CSMD3: variants seen among roughly 807,000 people sequenced by gnomAD.
CSMD3 encodes the protein CUB and sushi domain-containing protein 3.
Under a neutral mutation model 435.2 loss-of-function variants are expected in CSMD3, and 177 were observed. That is an observed-to-expected ratio of 0.41 (90% CI 0.36 to 0.46). The LOEUF is 0.46. CSMD3 is among the 20% of genes least tolerant of loss of function. CSMD3 has a pLI of 0.34. For missense variants in CSMD3, 4,265 were observed against 4,504.6 expected (o/e 0.95, Z 1.52); for synonymous variants, 1,656 against 1,520.5 (o/e 1.09, Z -2.07).
intron 1 of CSMD3, among the ~76,000 whole-genome samples, chr8:113,375,367 G>C (rs966246661): frequency 3.9e-5 from 6 of 152,120 alleles, no homozygotes; most frequent in Non-Finnish European, 8.8e-5. Flanking sequence ...TCTGCCAAGA[G>C]CATATGTCTA....
rs1819348787 is a variant in CSMD3 at position 112,287,707 on chromosome 8, AC to A, written c.9149-462del. ...TAAAGTAGAACTGTGGTGTGCTAGG[AC>A]ATGTAAATATTATAATACAGTTCTG... On this transcript the variant is annotated intron_variant, in intron 57 of 70. Transcript: ENST00000297405. Among the ~76,000 whole-genome samples, 7 of 152,264 alleles carry A rather than the reference AC, an allele frequency of 4.6e-5. No individual in the cohort carries two copies. The South Asian group carries it at 1.5e-3, about 32-fold the overall frequency.
At chr8:113,003,148 G>A (rs944395429) in intron 6 of CSMD3, among the ~76,000 whole-genome samples, 1 of 152,068 alleles carries the variant, frequency 6.6e-6, no homozygotes, top group Non-Finnish European at 1.5e-5. Context: ...GGGAGGCTGA[G>A]GCAGAAGAAT....
rs1002000202 is a variant in CSMD3, at chr8:112,408,247, A to C, written c.5605+71T>G. The C allele has an allele frequency of 1.0e-5, 10 of 991,898 alleles. No homozygotes were observed. The African/African-American group carries it at 2.1e-4, about 21-fold the overall frequency. 61.4% of individuals were successfully genotyped at this position (991,898 alleles called of 1,614,324 possible). A position where few individuals can be genotyped will look rare whatever the true frequency, so the allele number is the denominator to read the frequency against. On this transcript the variant is annotated intron_variant, in intron 34 of 70. Coordinates refer to ENST00000297405, the MANE Select transcript of CSMD3 (RefSeq NM_198123.2). ...TTTTATCTAGAGGATTTCATCATTC[A>C]AAAACTCTGAATACATCATGGGAAA...
intron 1 of CSMD3, among the ~76,000 whole-genome samples, chr8:113,370,702 T>A (rs1340203401): frequency 6.6e-6 from 1 of 152,034 alleles, no homozygotes; most frequent in Admixed American, 6.5e-5. Flanking sequence ...TTCTCAGTTA[T>A]TTTACTTCTC....
At chr8:113,329,566 A>C (rs907700660) in intron 1 of CSMD3, among the ~76,000 whole-genome samples, 1 of 152,194 alleles carries the variant, frequency 6.6e-6, no homozygotes, top group African/African-American at 2.4e-5. Flanking sequence ...AGAGGTGAGG[A>C]CAGCAAGGAT....
intron 35 of CSMD3, among the ~76,000 whole-genome samples, chr8:112,405,384 A>G (rs1423171190): frequency 6.7e-6 from 1 of 150,080 alleles, no homozygotes; most frequent in Non-Finnish European, 1.5e-5. Context: ...ATATTATGTA[A>G]TTTAAAAAAT....
intron 13 of CSMD3, among the ~76,000 whole-genome samples, chr8:112,701,434 A>C (rs573157465): frequency 1.3e-5 from 2 of 152,278 alleles, no homozygotes; most frequent in African/African-American, 4.8e-5. Context: ...ATGTAGAAAT[A>C]GCTCAACTGA....
At chr8:113,413,712 C>A (rs1039515482) in intron 1 of CSMD3, among the ~76,000 whole-genome samples, 2 of 152,170 alleles carry the variant, frequency 1.3e-5, no homozygotes, top group Non-Finnish European at 2.9e-5. Flanking sequence ...AGAAAACATA[C>A]TTGCTATGCA....
intron 4 of CSMD3, among the ~76,000 whole-genome samples, chr8:113,117,383 ATTGAGGTTTGGGAACC>A (rs2090862778): frequency 6.6e-6 from 1 of 152,218 alleles, no homozygotes; most frequent in African/African-American, 2.4e-5. Flanking sequence ...GAAGTCAAGA[ATTGAGGTTTGGGAACC>A]TCAGCCTAGA....
At chr8:112,314,723 A>T (rs1822303400) in intron 47 of CSMD3, 106 bp from the exon 48 acceptor site, 2 of 778,006 alleles carry the variant, frequency 2.6e-6, no homozygotes, top group African/African-American at 3.4e-5. Context: ...AGCTATAAGG[A>T]TGATACGTTG....
chr8:112,463,296 A>T (rs1377924956), intron 32 of CSMD3, among the ~76,000 whole-genome samples: 1 of 152,200 alleles, frequency 6.6e-6, no homozygotes, highest in Non-Finnish European at 1.5e-5. Flanking sequence ...CAAGAGGCAG[A>T]GGTTGCAGTG....
chr8:113,203,969 A>T (rs1464256240), intron 3 of CSMD3, among the ~76,000 whole-genome samples: 1 of 152,088 alleles, frequency 6.6e-6, no homozygotes, highest in Non-Finnish European at 1.5e-5. Flanking sequence ...CTTGTCAACA[A>T]ATATATATAT....
rs563520288 is a variant in CSMD3, at chr8:113,190,334, T to A, written c.515-16418A>T. The stretch of plus-strand genomic sequence containing the variant: ...TAATATTTACCACTGTATTATTAGA[T>A]AATAATAAATGTTAAAGAGAAATAT... On this transcript the variant is annotated intron_variant, in intron 3 of 70. Transcript: ENST00000297405. 7.8e-4 allele frequency among the ~76,000 whole-genome samples: 118 copies of A among 151,784 alleles called. 1 individual carries two copies. The highest frequency in any genetic ancestry group is 1.1e-3 in the Non-Finnish European group (73 of 67,876).
At chr8:113,187,200 C>T (rs1325881277) in intron 3 of CSMD3, among the ~76,000 whole-genome samples, 1 of 151,076 alleles carries the variant, frequency 6.6e-6, no homozygotes, top group African/African-American at 2.4e-5. Flanking sequence ...AATTCCATTC[C>T]CCTCACCTTT....
intron 2 of CSMD3, chr8:113,310,527 T>C (rs1197061953): frequency 2.6e-5 from 4 of 151,770 alleles, no homozygotes; most frequent in African/African-American, 9.6e-5. Context: ...TATTGATACA[T>C]AGACAAAAAA....
intron 10 of CSMD3, among the ~76,000 whole-genome samples, chr8:112,899,512 T>TTC (rs1254260112): frequency 7.0e-6 from 1 of 143,220 alleles, no homozygotes; most frequent in Admixed American, 7.1e-5. Context: ...ACTATATATT[T>TTC]TCTATATATA....
At chr8:112,689,374 T>C (rs969476239) in intron 14 of CSMD3, among the ~76,000 whole-genome samples, 9 of 151,778 alleles carry the variant, frequency 5.9e-5, no homozygotes, top group Non-Finnish European at 1.2e-4. Context: ...ATATTGTATA[T>C]CATTAATGTT....
At chr8:112,511,476 G>C (rs1396195752) in intron 28 of CSMD3, among the ~76,000 whole-genome samples, 1 of 144,568 alleles carries the variant, frequency 6.9e-6, no homozygotes, top group Non-Finnish European at 1.5e-5. Context: ...TGCAAGCTCC[G>C]TCTCCCGGGT....
chr8:112,685,241 G>A (rs908306488), intron 15 of CSMD3, among the ~76,000 whole-genome samples, 165 bp downstream of exon 15: 32 of 152,200 alleles, frequency 2.1e-4, no homozygotes, highest in African/African-American at 7.7e-4. Context: ...AGAGTAAAAT[G>A]TGATTGGAAA....
Sources: gnomAD v4.1 joint callset for allele counts (sites outside exome capture counted in the v4.1 genomes callset) on GRCh38, gnomAD v4.1.1 for gene constraint, MANE v1.5 for transcripts, NCBI Gene and HGNC (gene_info 2026-07-23, HGNC 2026-07-21) for gene names.